Variants in COL9A1 observed in about 807,000 individuals in gnomAD.
COL9A1 encodes the protein collagen type IX alpha 1 chain.
Under a neutral mutation model 142.6 loss-of-function variants are expected in COL9A1, and 104 were observed. The ratio of observed to expected loss-of-function variants is 0.73; its 90% CI spans 0.62 to 0.86. The LOEUF is 0.86. COL9A1 is among the 40% of genes least tolerant of loss of function. COL9A1 has a pLI of 0.00. For missense variants in COL9A1, 1,210 were observed against 1,176.6 expected, an observed-to-expected ratio of 1.03 and a Z score of -0.42; for synonymous variants, 466 against 396.0, an observed-to-expected ratio of 1.18 and a Z score of -2.10.
rs147934773 is a variant in COL9A1, at chr6:70,220,139, G to GTCATCATCA, written c.2582-3067_2582-3059dup. 1.5e-3 allele frequency among the ~76,000 whole-genome samples: 233 copies of GTCATCATCA among 151,222 alleles called. 1 individual carries two copies. Among genetic ancestry groups the GTCATCATCA allele is most frequent in the Admixed American group, 2.9e-3 (44 of 15,212 alleles). Reference sequence around the variant, plus strand: ...TTTACCCTTTGGAGCTTTTGATGATGTCATCATCATCATCATCATCATCAT... The same window carrying GTCATCATCA: ...TTTACCCTTTGGAGCTTTTGATGATGTCATCATCATCATCATCATCATCATCATCATCAT... On this transcript the variant is annotated intron_variant, in intron 37 of 37. Coordinates refer to ENST00000357250, the MANE Select transcript of COL9A1 (RefSeq NM_001851.6).
At chr6:70,250,334 C>T (rs1007820978) in intron 28 of COL9A1, among the ~76,000 whole-genome samples, 3 of 152,168 alleles carry the variant, frequency 2.0e-5, no homozygotes, top group African/African-American at 7.2e-5. Context: ...ACACACTGCT[C>T]AATCTTCCTG....
At chr6:70,275,345 G>T (rs1042683637) in intron 10 of COL9A1, among the ~76,000 whole-genome samples, 2 of 152,042 alleles carry the variant, frequency 1.3e-5, no homozygotes, top group South Asian at 2.1e-4. Flanking sequence ...GCTTATCAAA[G>T]AATATTAATT....
chr6:70,241,705 G>A (rs1770269816), intron 30 of COL9A1, among the ~76,000 whole-genome samples: 1 of 152,160 alleles, frequency 6.6e-6, no homozygotes, highest in Non-Finnish European at 1.5e-5. Context: ...TAGTAGAAAT[G>A]TAAATTGAGG....
chr6:70,274,212 TA>T, intron 11 of COL9A1, 130 bp from the exon 12 acceptor site: 1 of 611,912 alleles, frequency 1.6e-6, no homozygotes, highest in Non-Finnish European at 2.7e-6. Context: ...TTCCAACTTT[TA>T]TTTTAAGTTC....
intron 11 of COL9A1, 77 bp from the exon 12 acceptor site, chr6:70,274,159 A>T: frequency 8.1e-7 from 1 of 1,232,566 alleles, no homozygotes; most frequent in Non-Finnish European, 1.2e-6. Context: ...ATAAATATTG[A>T]AAGCATTAAA....
chr6:70,282,345 G>T (rs940968671), intron 7 of COL9A1, among the ~76,000 whole-genome samples: 1 of 149,290 alleles, frequency 6.7e-6, no homozygotes, highest in Non-Finnish European at 1.5e-5. Flanking sequence ...ATGCGCCCCC[G>T]CCGGGTCCTC....
chr6:70,237,957 G>C (rs1364013733), intron 33 of COL9A1, among the ~76,000 whole-genome samples: 1 of 152,170 alleles, frequency 6.6e-6, no homozygotes, highest in African/African-American at 2.4e-5. Flanking sequence ...AGGAAGAGGA[G>C]ACCAGAACAA....
In COL9A1 at chr6:70,280,444, CACAGCAGGTAAGCCGAAGCCAGT is replaced by C. The variant is rs2127596816; in HGVS notation, c.975+345_975+367del. The stretch of plus-strand genomic sequence containing the variant: ...GCTTCCAGGAGCCTGCCAGTGGGCT[CACAGCAGGTAAGCCGAAGCCAGT>C]ACAATCTATTGCCATCCGTACCCCC... On this transcript the variant is annotated intron_variant, in intron 10 of 37. Coordinates refer to ENST00000357250, the MANE Select transcript of COL9A1 (RefSeq NM_001851.6). 4 of 1,215,256 alleles carry C rather than the reference CACAGCAGGTAAGCCGAAGCCAGT, an allele frequency of 3.3e-6. No individual in the cohort carries two copies. The South Asian group carries it at 7.2e-5, about 22-fold the overall frequency. The allele number at this position is 1,215,256 out of a possible 1,614,324, so 75.3% of individuals were successfully genotyped here. A position where few individuals can be genotyped will look rare whatever the true frequency, so the allele number is the denominator to read the frequency against.
At chr6:70,297,313 G>A (rs77617484) in intron 4 of COL9A1, among the ~76,000 whole-genome samples, 1,952 of 152,010 alleles carry the variant, frequency 0.013, 51 homozygotes, top group African/African-American at 0.044. Context: ...CTTTCTCTCC[G>A]TATATATGAA....
At chr6:70,234,494 C>A (rs757126165) in intron 35 of COL9A1, 45 bp downstream of exon 35, 8 of 1,593,488 alleles carry the variant, frequency 5.0e-6, no homozygotes, top group Non-Finnish European at 6.9e-6. Context: ...TCTTAAGAAA[C>A]AAGAGTTGAT....
intron 29 of COL9A1, 87 bp from the exon 30 acceptor site, chr6:70,242,122 T>C (rs2127565998): frequency 8.6e-7 from 1 of 1,159,490 alleles, no homozygotes; most frequent in Non-Finnish European, 1.3e-6. Flanking sequence ...GTGTGTTGAC[T>C]TGTGTCTAAA....
At chr6:70,262,479 G>A (rs1771751929) in intron 19 of COL9A1, among the ~76,000 whole-genome samples, 1 of 152,176 alleles carries the variant, frequency 6.6e-6, no homozygotes, top group African/African-American at 2.4e-5. Context: ...CAGGTGAATG[G>A]TGTTCCTGTG....
In COL9A1 at chr6:70,239,168, T is replaced by A; in HGVS notation, c.2112+86A>T. 10 of 924,494 alleles carry A rather than the reference T, an allele frequency of 1.1e-5. No individual in the cohort carries two copies. In the South Asian group the frequency reaches 1.5e-4, roughly 13 times the overall value. The allele number at this position is 924,494 out of a possible 1,614,324, so 57.3% of individuals were successfully genotyped here. ...AAAAAAAGAATTGAATGTTACATAA[T>A]GATTTCATAAAGCAGAATATTATAT... On this transcript the variant is annotated intron_variant, in intron 33 of 37. Coordinates refer to ENST00000357250, the MANE Select transcript of COL9A1 (RefSeq NM_001851.6).
At chr6:70,224,331 G>A (rs1200661442) in intron 37 of COL9A1, among the ~76,000 whole-genome samples, 1 of 152,132 alleles carries the variant, frequency 6.6e-6, no homozygotes, top group Non-Finnish European at 1.5e-5. Context: ...CTGCAGGTGG[G>A]AGATAATGTG....
chr6:70,267,607 C>T (rs1041733994), intron 17 of COL9A1, among the ~76,000 whole-genome samples: 3 of 152,178 alleles, frequency 2.0e-5, no homozygotes, highest in Non-Finnish European at 4.4e-5. Flanking sequence ...CAGGCGTGAG[C>T]CACCGCGCCC....
rs984949240 is a variant in COL9A1, at chr6:70,295,908, G to T, written c.300-1345C>A. 2.6e-5 allele frequency among the ~76,000 whole-genome samples: 4 copies of T among 152,154 alleles called. No individual in the cohort carries two copies. In the East Asian group the frequency reaches 7.7e-4, roughly 29 times the overall value. ...AATGCTAGGCAAACTAAATGCTAATGAATTTTCTGTGCTAAACAATAAAAA... is the reference window on the plus strand; with the variant it reads ...AATGCTAGGCAAACTAAATGCTAATTAATTTTCTGTGCTAAACAATAAAAA... On this transcript the variant is annotated intron_variant, in intron 4 of 37. Coordinates refer to ENST00000357250, the MANE Select transcript of COL9A1 (RefSeq NM_001851.6).
chr6:70,302,611 A>G (rs994013824), intron 1 of COL9A1, among the ~76,000 whole-genome samples: 2 of 150,096 alleles, frequency 1.3e-5, no homozygotes, highest in Admixed American at 6.6e-5. Context: ...GTATCTACCT[A>G]TCTCACTGTT....
intron 28 of COL9A1, among the ~76,000 whole-genome samples, chr6:70,243,551 G>A (rs1038629506): frequency 5.3e-5 from 8 of 151,190 alleles, no homozygotes; most frequent in South Asian, 2.1e-4. Flanking sequence ...TTTTTGAGAC[G>A]GAGTCTTTCT....
intron 37 of COL9A1, among the ~76,000 whole-genome samples, chr6:70,225,666 T>C (rs1211019177): frequency 1.3e-5 from 2 of 152,132 alleles, no homozygotes; most frequent in Non-Finnish European, 2.9e-5. Context: ...AACAAGTGCA[T>C]TGTGCCTGGA....
Sources: gnomAD v4.1 joint callset for allele counts (sites outside exome capture counted in the v4.1 genomes callset) on GRCh38, gnomAD v4.1.1 for gene constraint, MANE v1.5 for transcripts, NCBI Gene and HGNC (gene_info 2026-07-23, HGNC 2026-07-21) for gene names.